The following ZBTB20 variants were observed in gnomAD, a reference collection of about 807,000 sequenced individuals.
ZBTB20 encodes the protein zinc finger and BTB domain containing 20.
ZBTB20 carries 9 observed loss-of-function variants against 56.9 expected under a neutral mutation model. The ratio of observed to expected loss-of-function variants is 0.16; its 90% CI spans 0.10 to 0.28. ZBTB20 has a LOEUF of 0.28. ZBTB20 is among the 10% of genes least tolerant of loss of function. ZBTB20 has a pLI of 1.00. For missense variants in ZBTB20, 655 were observed against 1,003.0 expected (o/e 0.65, Z 4.69); for synonymous variants, 417 against 420.7 (o/e 0.99, Z 0.11).
At chr3:114,655,115 A>G (rs1404047430) in intron 6 of ZBTB20, among the ~76,000 whole-genome samples, 1 of 151,756 alleles carries the variant, frequency 6.6e-6, no homozygotes, top group African/African-American at 2.4e-5. Context: ...TAATTGTAGT[A>G]TTTATACCAT....
At chr3:114,885,369 C>T (rs1252966833) in intron 4 of ZBTB20, among the ~76,000 whole-genome samples, 2 of 152,172 alleles carry the variant, frequency 1.3e-5, no homozygotes, top group African/African-American at 4.8e-5. Context: ...AGGACACCTA[C>T]ACCCTGCCTC....
intron 5 of ZBTB20, chr3:114,743,364 ACAGT>A (rs1358641432): frequency 1.3e-5 from 2 of 152,168 alleles, no homozygotes; most frequent in African/African-American, 4.8e-5. Flanking sequence ...AAGACGACTG[ACAGT>A]CATTCAAAAC....
intron 7 of ZBTB20, among the ~76,000 whole-genome samples, chr3:114,447,494 G>C (rs1236786612): frequency 6.6e-6 from 1 of 152,144 alleles, no homozygotes; most frequent in Non-Finnish European, 1.5e-5. Flanking sequence ...CAAACACAGA[G>C]AGAAATTTAG....
In ZBTB20 at chr3:114,909,127, G is replaced by A. The variant is rs983791397; in HGVS notation, c.-455-8785C>T. On this transcript the variant is annotated intron_variant, in intron 3 of 11. Transcript: ENST00000675478. The stretch of plus-strand genomic sequence containing the variant: ...AAAAGGAATTTTTATCACAGGAGAT[G>A]ACAGCTCCATGCATGTTATTACGCC... Among the ~76,000 whole-genome samples the A allele has an allele frequency of 3.9e-5, 6 of 152,076 alleles. No individual in the cohort carries two copies. The East Asian group carries it at 9.7e-4, about 24-fold the overall frequency.
At position 114,914,512 on chromosome 3, in the gene ZBTB20, A is replaced by G. The variant is rs558059693; in HGVS notation, c.-455-14170T>C. ...TATAAGATCATCTCATCTCCCAACA[A>G]GGAAAATTTGACTTATTGCTTTCCA... On this transcript the variant is annotated intron_variant, in intron 3 of 11. Transcript: ENST00000675478. 8.5e-4 allele frequency among the ~76,000 whole-genome samples: 130 copies of G among 152,086 alleles called. 2 individuals are homozygous for G. Among genetic ancestry groups the G allele is most frequent in the Admixed American group, 7.7e-3 (118 of 15,258 alleles).
chr3:115,093,766 G>A (rs2083283238), intron 1 of ZBTB20, among the ~76,000 whole-genome samples: 1 of 152,126 alleles, frequency 6.6e-6, no homozygotes, highest in Admixed American at 6.6e-5. Context: ...AGGTATGAAG[G>A]AAACCTGGCA....
chr3:115,094,505 A>G (rs1437505602), intron 1 of ZBTB20, among the ~76,000 whole-genome samples: 1 of 151,530 alleles, frequency 6.6e-6, no homozygotes, highest in Non-Finnish European at 1.5e-5. Context: ...GAAAAATTAC[A>G]TAGCCTGGAA....
Position 114,325,605 on chromosome 3 carries a change from G to A in ZBTB20, c.*13400C>T, listed in dbSNP as rs1459996747. ...AATGAGAGATAGGCAAGAACAACAA[G>A]GGGTGAGTAGTGCTAACTTTCTCCG... On this transcript the variant is annotated 3_prime_UTR_variant, in exon 12 of 12. Transcript: ENST00000675478. 6.6e-6 allele frequency: 1 copy of A among 152,152 alleles called. No homozygotes were observed. The highest frequency in any genetic ancestry group is 1.5e-5 in the Non-Finnish European group (1 of 68,032). 9.4% of individuals were successfully genotyped at this position (152,152 alleles called of 1,614,324 possible). A position where few individuals can be genotyped will look rare whatever the true frequency, so the allele number is the denominator to read the frequency against.
intron 7 of ZBTB20, among the ~76,000 whole-genome samples, chr3:114,485,865 C>T (rs1010439091): frequency 6.6e-6 from 1 of 152,110 alleles, no homozygotes; most frequent in South Asian, 2.1e-4. Context: ...TTCCTAGTCT[C>T]TGTAACTATG....
intron 4 of ZBTB20, among the ~76,000 whole-genome samples, chr3:114,818,738 G>GA (rs577430866): frequency 2.6e-5 from 4 of 151,156 alleles, no homozygotes; most frequent in East Asian, 1.9e-4. Flanking sequence ...CCTTAAATAT[G>GA]AAAAAAAACT....
intron 2 of ZBTB20, among the ~76,000 whole-genome samples, chr3:115,004,729 C>T (rs532141107): frequency 4.6e-5 from 7 of 151,776 alleles, no homozygotes; most frequent in Admixed American, 3.3e-4. Context: ...CTGAGGAAGA[C>T]ATATTTATAA....
chr3:115,042,709 C>T (rs2081188838), intron 2 of ZBTB20, among the ~76,000 whole-genome samples: 1 of 152,084 alleles, frequency 6.6e-6, no homozygotes, highest in Non-Finnish European at 1.5e-5. Flanking sequence ...TTCAGGTTTC[C>T]CTTTTTGGAT....
Position 114,450,958 on chromosome 3 carries a change from C to T in ZBTB20, c.-255+49394G>A, listed in dbSNP as rs187563553. On this transcript the variant is annotated intron_variant, in intron 7 of 11. Coordinates refer to ENST00000675478, the MANE Select transcript of ZBTB20 (RefSeq NM_001348800.3). ...TGAATTGCAGTAGAAATGCCTGTTT[C>T]GTTCCTGGTTGAAAATTTCTTTCTC... 1.1e-3 allele frequency among the ~76,000 whole-genome samples: 171 copies of T among 152,120 alleles called. 1 individual carries two copies. Among genetic ancestry groups the T allele is most frequent in the Admixed American group, 6.2e-3 (94 of 15,266 alleles).
intron 4 of ZBTB20, among the ~76,000 whole-genome samples, chr3:114,858,282 C>G (rs188093240): frequency 3.0e-4 from 46 of 152,238 alleles, no homozygotes; most frequent in Admixed American, 2.6e-3. Flanking sequence ...GGCTTTTAGG[C>G]AGAATATGGG....
chr3:114,426,447 AC>A (rs1388595080), intron 7 of ZBTB20, among the ~76,000 whole-genome samples: 2 of 151,030 alleles, frequency 1.3e-5, no homozygotes, highest in Non-Finnish European at 2.9e-5. Context: ...GTGGCTTTCT[AC>A]CCTACTTCAG....
At chr3:114,817,562 AATAT>A (rs2073012873) in intron 4 of ZBTB20, among the ~76,000 whole-genome samples, 1 of 132,316 alleles carries the variant, frequency 7.6e-6, no homozygotes, top group Non-Finnish European at 1.7e-5. Flanking sequence ...TAAATAAATA[AATAT>A]CTCTCTATAT....
At chr3:114,441,873 T>C (rs1386582799) in intron 7 of ZBTB20, among the ~76,000 whole-genome samples, 2 of 151,826 alleles carry the variant, frequency 1.3e-5, no homozygotes, top group Non-Finnish European at 2.9e-5. Context: ...TGATGGTAGC[T>C]CAAAAAATCC....
intron 3 of ZBTB20, among the ~76,000 whole-genome samples, chr3:114,916,639 A>C (rs1224495548): frequency 1.3e-5 from 2 of 152,054 alleles, no homozygotes; most frequent in African/African-American, 4.8e-5. Flanking sequence ...TTTCTCCCTC[A>C]TGTTTGAAGG....
At chr3:114,992,647 G>C (rs1232835759) in intron 2 of ZBTB20, among the ~76,000 whole-genome samples, 1 of 151,846 alleles carries the variant, frequency 6.6e-6, no homozygotes, top group Non-Finnish European at 1.5e-5. Flanking sequence ...AAGCCAATGA[G>C]AGGAGTGGAA....
Sources: gnomAD v4.1 joint callset for allele counts (sites outside exome capture counted in the v4.1 genomes callset) on GRCh38, gnomAD v4.1.1 for gene constraint, MANE v1.5 for transcripts, NCBI Gene and HGNC (gene_info 2026-07-23, HGNC 2026-07-21) for gene names.